CCDC141: variants seen among roughly 807,000 people sequenced by gnomAD.
CCDC141 encodes coiled-coil domain-containing protein 141.
Under a neutral mutation model 181.0 loss-of-function variants are expected in CCDC141, and 168 were observed. The ratio of observed to expected loss-of-function variants is 0.93; its 90% CI spans 0.82 to 1.05. CCDC141 has a LOEUF of 1.05. CCDC141 is among the 50% of genes least tolerant of loss of function. The probability of loss-of-function intolerance (pLI) is 0.00; values close to 1 mark genes in which losing one functional copy is unlikely to be tolerated. For missense variants in CCDC141, 1,902 were observed against 1,788.5 expected, an observed-to-expected ratio of 1.06 and a Z score of -1.14; for synonymous variants, 666 against 642.3, an observed-to-expected ratio of 1.04 and a Z score of -0.56.
At chr2:179,028,890 A>C (rs2042928195) in intron 2 of CCDC141, among the ~76,000 whole-genome samples, 1 of 152,172 alleles carries the variant, frequency 6.6e-6, no homozygotes, top group Non-Finnish European at 1.5e-5. Context: ...TATAGTTATA[A>C]AGGCAACCTT....
intron 2 of CCDC141, among the ~76,000 whole-genome samples, chr2:179,027,586 A>C (rs1016094172): frequency 7.6e-6 from 1 of 131,974 alleles, no homozygotes; most frequent in African/African-American, 2.8e-5. Flanking sequence ...TGGAGGTCGC[A>C]GTGAGCCAAG....
intron 6 of CCDC141, among the ~76,000 whole-genome samples, chr2:178,921,502 C>G (rs1688685661): frequency 6.6e-6 from 1 of 152,078 alleles, no homozygotes; most frequent in African/African-American, 2.4e-5. Flanking sequence ...AAGTATTGAA[C>G]AGTCTTATGA....
At chr2:179,034,103 T>C (rs2043073052) in intron 2 of CCDC141, among the ~76,000 whole-genome samples, 1 of 152,146 alleles carries the variant, frequency 6.6e-6, no homozygotes, top group Non-Finnish European at 1.5e-5. Flanking sequence ...TAAATGCCCA[T>C]CAGTGGTACA....
chr2:178,944,773 C>T lies in CCDC141; in HGVS notation c.781-122G>A, dbSNP rs9677932. Reference sequence around the variant, plus strand: ...TACTTTAATTTCTTTTTATATAAACCATCTCATGTATTAAAATAATATGAA... The same window carrying T: ...TACTTTAATTTCTTTTTATATAAACTATCTCATGTATTAAAATAATATGAA... On this transcript the variant is annotated intron_variant, in intron 5 of 23. Coordinates refer to ENST00000443758, the MANE Select transcript of CCDC141 (RefSeq NM_173648.4). 445,937 of 450,724 alleles carry T rather than the reference C, an allele frequency of 0.99. 220,750 individuals carry two copies. The highest frequency in any genetic ancestry group is 1 in the East Asian group (30,418 of 30,418). 27.9% of individuals were successfully genotyped at this position (450,724 alleles called of 1,614,324 possible).
At chr2:179,032,527 G>A (rs78955170) in intron 2 of CCDC141, among the ~76,000 whole-genome samples, 2,447 of 152,220 alleles carry the variant, frequency 0.016, 146 homozygotes, top group East Asian at 0.12. Flanking sequence ...CATCTGGTAC[G>A]TATATCAGGG....
chr2:179,011,682 A>G (rs1208771125), intron 2 of CCDC141, among the ~76,000 whole-genome samples: 1 of 152,174 alleles, frequency 6.6e-6, no homozygotes, highest in East Asian at 1.9e-4. Flanking sequence ...ATTCTATTCA[A>G]CAGCACGTGG....
chr2:178,880,270 C>T (rs1686535403), intron 11 of CCDC141, among the ~76,000 whole-genome samples: 1 of 152,164 alleles, frequency 6.6e-6, no homozygotes, highest in Non-Finnish European at 1.5e-5. Flanking sequence ...TAATGATAAA[C>T]TTTAAGACTT....
At chr2:179,047,485 C>A in intron 1 of CCDC141, 79 bp from the exon 2 acceptor site, 2 of 1,232,648 alleles carry the variant, frequency 1.6e-6, no homozygotes, top group Non-Finnish European at 2.1e-6. Flanking sequence ...TTTAATATAT[C>A]GTTTAAATTT....
At chr2:178,989,619 A>G (rs1424870934) in intron 2 of CCDC141, among the ~76,000 whole-genome samples, 2 of 148,484 alleles carry the variant, frequency 1.3e-5, no homozygotes, top group Non-Finnish European at 3.0e-5. Flanking sequence ...TAAATAAATA[A>G]ATAAATAAAT....
the CCDC141 span, among the ~76,000 whole-genome samples, chr2:178,817,962 C>T: frequency 0.032 from 4,885 of 152,164 alleles, 264 homozygotes; most frequent in African/African-American, 0.11. Flanking sequence ...GCCACCATGC[C>T]TGCCTAATTT....
At chr2:178,934,574 T>TA (rs1289948539) in intron 6 of CCDC141, among the ~76,000 whole-genome samples, 2 of 152,208 alleles carry the variant, frequency 1.3e-5, no homozygotes, top group Non-Finnish European at 2.9e-5. Flanking sequence ...AGGTCGTATT[T>TA]AAAAATCCTT....
chr2:178,889,102 C>T (rs1330422533), intron 8 of CCDC141, among the ~76,000 whole-genome samples: 3 of 152,010 alleles, frequency 2.0e-5, no homozygotes, highest in Non-Finnish European at 4.4e-5. Flanking sequence ...AAAATATTTA[C>T]ATAACACTAA....
intron 2 of CCDC141, among the ~76,000 whole-genome samples, chr2:178,981,458 C>A (rs1349112464): frequency 6.6e-6 from 1 of 151,282 alleles, no homozygotes; most frequent in African/African-American, 2.4e-5. Context: ...AAAAATACCA[C>A]AATATTTTAA....
At chr2:178,924,797 G>C (rs1331711490) in intron 6 of CCDC141, among the ~76,000 whole-genome samples, 1 of 152,210 alleles carries the variant, frequency 6.6e-6, no homozygotes, top group African/African-American at 2.4e-5. Flanking sequence ...ATTTCACCTA[G>C]AGATGAAAGA....
intron 2 of CCDC141, among the ~76,000 whole-genome samples, chr2:178,984,463 C>G (rs564922972): frequency 6.6e-6 from 1 of 151,730 alleles, no homozygotes; most frequent in Non-Finnish European, 1.5e-5. Context: ...TCACACATAA[C>G]ACTACTAACT....
chr2:179,048,471 C>T (rs1235108455), intron 1 of CCDC141, among the ~76,000 whole-genome samples: 3 of 152,102 alleles, frequency 2.0e-5, no homozygotes, highest in African/African-American at 7.2e-5. Flanking sequence ...TTTTTGTGTT[C>T]AATCTACCTC....
chr2:179,011,294 G>A (rs2042263800), intron 2 of CCDC141, among the ~76,000 whole-genome samples: 1 of 152,080 alleles, frequency 6.6e-6, no homozygotes, highest in Non-Finnish European at 1.5e-5. Flanking sequence ...TCATGCAAAT[G>A]GACACCAAAA....
intron 2 of CCDC141, among the ~76,000 whole-genome samples, chr2:179,005,355 C>T (rs959492449): frequency 2.0e-5 from 3 of 151,690 alleles, no homozygotes; most frequent in African/African-American, 7.3e-5. Context: ...ACGTAACACA[C>T]TGGGATTGTT....
At chr2:178,959,283 A>G (rs1264699883) in intron 5 of CCDC141, among the ~76,000 whole-genome samples, 2 of 152,080 alleles carry the variant, frequency 1.3e-5, no homozygotes, top group Non-Finnish European at 2.9e-5. Context: ...CCTAGAACTT[A>G]AAGTATAATA....
Sources: allele counts gnomAD v4.1 joint callset (sites outside exome capture counted in the v4.1 genomes callset), GRCh38; gene constraint gnomAD v4.1.1; transcripts MANE v1.5; gene names NCBI Gene and HGNC (gene_info 2026-07-23, HGNC 2026-07-21).